Variants in CLNK observed in about 807,000 individuals in gnomAD.
CLNK encodes cytokine dependent hematopoietic cell linker, also known as cytokine-dependent hematopoietic cell linker.
CLNK carries 74 observed loss-of-function variants against 68.6 expected under a neutral mutation model. The observed-to-expected ratio is 1.08, with a 90% CI of 0.89 to 1.31. The LOEUF (loss-of-function observed/expected upper bound fraction) is 1.31. CLNK is among the 50% of genes most tolerant of loss of function. The pLI, the probability that CLNK is intolerant of heterozygous loss-of-function variation, is 0.00. For synonymous variants in CLNK, 198 were observed against 172.2 expected, an observed-to-expected ratio of 1.15 and a Z score of -1.17; for missense variants, 553 against 515.3, an observed-to-expected ratio of 1.07 and a Z score of -0.71.
chr4:10,500,382 C>A (rs1716988836), intron 18 of CLNK, among the ~76,000 whole-genome samples: 1 of 152,106 alleles, frequency 6.6e-6, no homozygotes, highest in South Asian at 2.1e-4. Flanking sequence ...TGTTGAGGAT[C>A]AAAATAAGAT....
chr4:10,496,438 A>G (rs1391132779), intron 18 of CLNK, among the ~76,000 whole-genome samples: 1 of 152,202 alleles, frequency 6.6e-6, no homozygotes, highest in Non-Finnish European at 1.5e-5. Context: ...GAGGGAACTG[A>G]GTGAAATCCA....
At chr4:10,598,792 A>T (rs1366537867) in intron 2 of CLNK, 1 of 305,020 alleles carries the variant, frequency 3.3e-6, no homozygotes, top group Non-Finnish European at 6.7e-6. Flanking sequence ...AGCTCTATCA[A>T]ACACTGACTG....
chr4:10,531,139 C>A (rs946264294), intron 12 of CLNK, among the ~76,000 whole-genome samples: 6 of 152,180 alleles, frequency 3.9e-5, no homozygotes, highest in Admixed American at 6.5e-5. Context: ...AACACAAAGA[C>A]AAGAACAAAA....
At chr4:10,556,110 T>G (rs930819281) in intron 8 of CLNK, among the ~76,000 whole-genome samples, 1 of 152,234 alleles carries the variant, frequency 6.6e-6, no homozygotes, top group Non-Finnish European at 1.5e-5. Context: ...AACGCTCATA[T>G]TTTTGTAGTC....
At chr4:10,550,223 G>A (rs1481349527) in intron 8 of CLNK, among the ~76,000 whole-genome samples, 1 of 152,236 alleles carries the variant, frequency 6.6e-6, no homozygotes, top group Non-Finnish European at 1.5e-5. Flanking sequence ...GCCAGGCGCG[G>A]TGGCTCAAGC....
the CLNK span, among the ~76,000 whole-genome samples, chr4:10,691,740 G>A: frequency 6.6e-6 from 1 of 152,148 alleles, no homozygotes; most frequent in Non-Finnish European, 1.5e-5. Context: ...TCTCCAAATT[G>A]GCAGGACAAA....
intron 8 of CLNK, among the ~76,000 whole-genome samples, chr4:10,546,493 C>A (rs1256569024): frequency 6.6e-6 from 1 of 152,214 alleles, no homozygotes; most frequent in East Asian, 1.9e-4. Context: ...CTACCTCAAA[C>A]CTCATCAGAA....
chr4:10,607,470 G>A (rs1721834619), intron 2 of CLNK, among the ~76,000 whole-genome samples: 1 of 152,186 alleles, frequency 6.6e-6, no homozygotes, highest in Admixed American at 6.5e-5. Context: ...AGACACTGAT[G>A]ATAAGGCATG....
intron 1 of CLNK, among the ~76,000 whole-genome samples, chr4:10,674,962 C>A (rs966839398): frequency 1.3e-5 from 2 of 150,782 alleles, no homozygotes; most frequent in East Asian, 2.0e-4. Context: ...ACATCACACA[C>A]TGGGGCCTGT....
At chr4:10,719,077 A>G in the CLNK span, among the ~76,000 whole-genome samples, 6 of 152,126 alleles carry the variant, frequency 3.9e-5, no homozygotes, top group Non-Finnish European at 8.8e-5. Flanking sequence ...ATAAATCAAA[A>G]TGTAATTCTA....
intron 16 of CLNK, among the ~76,000 whole-genome samples, chr4:10,512,359 T>C (rs1717625716): frequency 6.6e-6 from 1 of 152,008 alleles, no homozygotes; most frequent in South Asian, 2.1e-4. Context: ...GCCTCCCAAG[T>C]AGCTGGGATT....
At chr4:10,603,585 A>T (rs892049316) in intron 2 of CLNK, among the ~76,000 whole-genome samples, 2 of 152,220 alleles carry the variant, frequency 1.3e-5, no homozygotes, top group Non-Finnish European at 2.9e-5. Context: ...TGCTCCTGGC[A>T]CCAACCCCTG....
the CLNK span, among the ~76,000 whole-genome samples, chr4:10,733,149 C>T: frequency 6.6e-6 from 1 of 152,138 alleles, no homozygotes; most frequent in Non-Finnish European, 1.5e-5. Context: ...ATAGCCACAG[C>T]TTCCTGTCTC....
intron 2 of CLNK, among the ~76,000 whole-genome samples, chr4:10,617,872 G>C (rs1339292612): frequency 6.6e-6 from 1 of 152,190 alleles, no homozygotes; most frequent in African/African-American, 2.4e-5. Context: ...ATCCTGGGCT[G>C]TAGGGAAAGA....
intron 2 of CLNK, among the ~76,000 whole-genome samples, chr4:10,630,301 A>C (rs778674925): frequency 6.6e-6 from 1 of 152,216 alleles, no homozygotes; most frequent in African/African-American, 2.4e-5. Flanking sequence ...ATTTGTACCC[A>C]TTGGACTCTG....
At position 10,641,782 on chromosome 4, in the gene CLNK, C is replaced by A. The variant is rs138620302; in HGVS notation, c.11+26077G>T. Reference sequence around the variant, plus strand: ...ATCTTGAATTGTAGCTCCCATAATTCTCACGTATTGTGGGAGGGACCCGGT... The same window carrying A: ...ATCTTGAATTGTAGCTCCCATAATTATCACGTATTGTGGGAGGGACCCGGT... On this transcript the variant is annotated intron_variant, in intron 2 of 18. Coordinates refer to ENST00000226951, the MANE Select transcript of CLNK (RefSeq NM_052964.4). 4.3e-4 allele frequency among the ~76,000 whole-genome samples: 66 copies of A among 152,306 alleles called. No individual in the cohort carries two copies. In the East Asian group the frequency reaches 0.011, roughly 26 times the overall value.
chr4:10,536,200 G>A lies in CLNK; in HGVS notation c.603-3917C>T, dbSNP rs143668060. 1.7e-3 allele frequency among the ~76,000 whole-genome samples: 256 copies of A among 152,334 alleles called. 1 individual carries two copies. The highest frequency in any genetic ancestry group is 5.8e-3 in the African/African-American group (242 of 41,578). ...CCATTGATACAGTTGATTGCCAGAT[G>A]TAAATCATGGCTTCTGCCTTAGGGA... On this transcript the variant is annotated intron_variant, in intron 11 of 18. Transcript: ENST00000226951.
At chr4:10,639,431 C>A (rs1723223655) in intron 2 of CLNK, among the ~76,000 whole-genome samples, 1 of 152,208 alleles carries the variant, frequency 6.6e-6, no homozygotes, top group African/African-American at 2.4e-5. Context: ...TGAGAGGGGG[C>A]TGCCTATAGC....
intron 2 of CLNK, among the ~76,000 whole-genome samples, chr4:10,645,358 C>A (rs1020056846): frequency 5.9e-5 from 9 of 152,308 alleles, no homozygotes; most frequent in African/African-American, 2.2e-4. Context: ...TAAATGCCTG[C>A]AAAGTGAATA....
Sources: allele counts gnomAD v4.1 joint callset (sites outside exome capture counted in the v4.1 genomes callset), GRCh38; gene constraint gnomAD v4.1.1; transcripts MANE v1.5; gene names NCBI Gene and HGNC (gene_info 2026-07-23, HGNC 2026-07-21).